Variants in EDDM13 observed in about 807,000 individuals in gnomAD.
The protein encoded by EDDM13 is epididymal protein 13.
EDDM13 carries 24 observed loss-of-function variants against 17.8 expected under a neutral mutation model. The ratio of observed to expected loss-of-function variants is 1.35; its 90% CI spans 0.98 to 1.90. EDDM13 has a LOEUF of 1.90. EDDM13 is among the 40% of genes most tolerant of loss of function. The probability of loss-of-function intolerance (pLI) is 0.00; values close to 1 mark genes in which losing one functional copy is unlikely to be tolerated. For synonymous variants in EDDM13, 31 were observed against 37.5 expected (o/e 0.83, Z 0.63); for missense variants, 97 against 100.8 (o/e 0.96, Z 0.16).
chr19:56,293,929 C>T (rs946957437), intron 9 of EDDM13, among the ~76,000 whole-genome samples: 2 of 152,180 alleles, frequency 1.3e-5, no homozygotes, highest in African/African-American at 4.8e-5. Context: ...ATGTCTGGCA[C>T]GGGATAAGAG....
intron 1 of EDDM13, among the ~76,000 whole-genome samples, chr19:56,273,800 T>C (rs2038037874): frequency 6.6e-6 from 1 of 152,108 alleles, no homozygotes; most frequent in South Asian, 2.1e-4. Context: ...ATGTTGGATG[T>C]TATCCTCAGG....
intron 14 of EDDM13, among the ~76,000 whole-genome samples, chr19:56,307,446 C>A (rs1399408720): frequency 6.6e-6 from 1 of 152,136 alleles, no homozygotes; most frequent in Non-Finnish European, 1.5e-5. Context: ...ATAAAAAATT[C>A]TAAGTTGCTT....
chr19:56,273,907 T>C (rs758122668), intron 1 of EDDM13, among the ~76,000 whole-genome samples: 20 of 152,108 alleles, frequency 1.3e-4, no homozygotes, highest in Non-Finnish European at 2.5e-4. Flanking sequence ...AAACAATGTG[T>C]CTTGCCCTCA....
chr19:56,292,510 A>G (rs1020025756), intron 9 of EDDM13, among the ~76,000 whole-genome samples: 1 of 137,052 alleles, frequency 7.3e-6, no homozygotes, highest in African/African-American at 2.7e-5. Flanking sequence ...CTGGTCTTCA[A>G]TTCCGGGGCT....
chr19:56,277,213 C>T lies in EDDM13; in HGVS notation c.103+1104C>T, dbSNP rs1490190607. Among the ~76,000 whole-genome samples, 3 of 152,162 alleles carry T rather than the reference C, an allele frequency of 2.0e-5. No individual in the cohort carries two copies. The East Asian group carries it at 5.8e-4, about 29-fold the overall frequency. ...TGCCCAAGATAAATGAAACGTAAGT[C>T]CACACAAAAACCCATGCACAAATGT... On this transcript the variant is annotated intron_variant, in intron 2 of 14. Transcript: ENST00000649256.
chr19:56,310,246 GGAGGGT>G lies in EDDM13; in HGVS notation c.*99_*104del, dbSNP rs1256043578. 2.0e-5 allele frequency: 3 copies of G among 152,258 alleles called. No individual in the cohort carries two copies. Among genetic ancestry groups the G allele is most frequent in the Non-Finnish European group, 4.4e-5 (3 of 68,096 alleles). 9.4% of individuals were successfully genotyped at this position (152,258 alleles called of 1,614,324 possible). ...TCTCTGTCCCCTGGACTGCCTGTGT[GGAGGGT>G]AATGAACTGGGTCCTTTAAGGAATG... On this transcript the variant is annotated 3_prime_UTR_variant, in exon 15 of 15. Transcript: ENST00000649256.
intron 8 of EDDM13, among the ~76,000 whole-genome samples, chr19:56,289,651 T>C (rs1408723956): frequency 6.6e-6 from 1 of 152,190 alleles, no homozygotes; most frequent in Non-Finnish European, 1.5e-5. Context: ...TCTCACTTTG[T>C]TGCCCAGGTT....
At chr19:56,299,007 C>T (rs896640367) in intron 12 of EDDM13, among the ~76,000 whole-genome samples, 2 of 152,152 alleles carry the variant, frequency 1.3e-5, no homozygotes, top group African/African-American at 2.4e-5. Flanking sequence ...TTTATTCCAG[C>T]AATGCGACAA....
intron 9 of EDDM13, among the ~76,000 whole-genome samples, chr19:56,292,095 C>T (rs1225138096): frequency 2.0e-5 from 3 of 152,162 alleles, no homozygotes; most frequent in East Asian, 1.9e-4. Context: ...GACTCAGCTG[C>T]TTAACCACGG....
intron 6 of EDDM13, among the ~76,000 whole-genome samples, chr19:56,288,106 C>A (rs1352861491): frequency 1.3e-5 from 2 of 152,174 alleles, no homozygotes; most frequent in African/African-American, 2.4e-5. Context: ...GGAGCACAGG[C>A]CCAAATGGGT....
At chr19:56,275,906 T>C (rs1254186244) in intron 1 of EDDM13, among the ~76,000 whole-genome samples, 186 bp from the exon 2 acceptor site, 1 of 152,196 alleles carries the variant, frequency 6.6e-6, no homozygotes, top group Admixed American at 6.5e-5. Context: ...GACTTATCGA[T>C]GGATGGATGG....
At chr19:56,289,574 A>G (rs544224620) in intron 8 of EDDM13, among the ~76,000 whole-genome samples, 1 of 152,228 alleles carries the variant, frequency 6.6e-6, no homozygotes, top group South Asian at 2.1e-4. Context: ...ACATAGTTGG[A>G]CCACACAAAT....
intron 13 of EDDM13, chr19:56,303,044 G>T: frequency 2.5e-6 from 1 of 395,644 alleles, no homozygotes; most frequent in Non-Finnish European, 4.4e-6. Context: ...GCTCATGGAA[G>T]CCTTTCTGCA....
intron 14 of EDDM13, among the ~76,000 whole-genome samples, chr19:56,307,324 T>C (rs936838581): frequency 6.6e-6 from 1 of 152,172 alleles, no homozygotes; most frequent in Non-Finnish European, 1.5e-5. Context: ...GCTGCAGTCC[T>C]GCTTAAATCC....
chr19:56,283,849 C>G (rs768708569), intron 4 of EDDM13: 3 of 152,204 alleles, frequency 2.0e-5, no homozygotes, highest in Non-Finnish European at 4.4e-5. Context: ...CTTGGCTCCT[C>G]TTTCTAGAGG....
intron 12 of EDDM13, among the ~76,000 whole-genome samples, chr19:56,301,647 C>T (rs73937230): frequency 2.0e-5 from 3 of 152,048 alleles, no homozygotes; most frequent in African/African-American, 7.3e-5. Flanking sequence ...TTTTACCCAG[C>T]CCCTATTCAA....
At chr19:56,281,291 G>C (rs2159552) in intron 2 of EDDM13, among the ~76,000 whole-genome samples, 118,938 of 152,002 alleles carry the variant, frequency 0.78, 47,980 homozygotes, top group Non-Finnish European at 0.89. Flanking sequence ...AGAAGAAAAT[G>C]CACATCTAAG....
chr19:56,307,221 C>T (rs963189723), intron 14 of EDDM13, among the ~76,000 whole-genome samples: 7 of 152,308 alleles, frequency 4.6e-5, no homozygotes, highest in Admixed American at 1.3e-4. Flanking sequence ...GCCTCTCCCA[C>T]GTCGCCTGCC....
chr19:56,276,902 T>C (rs923233750), intron 2 of EDDM13, among the ~76,000 whole-genome samples: 5 of 151,980 alleles, frequency 3.3e-5, no homozygotes, highest in Non-Finnish European at 7.4e-5. Flanking sequence ...AAAATATTTA[T>C]ATTTACAAAT....
Sources: gnomAD v4.1 joint callset for allele counts (sites outside exome capture counted in the v4.1 genomes callset) on GRCh38, gnomAD v4.1.1 for gene constraint, MANE v1.5 for transcripts, NCBI Gene and HGNC (gene_info 2026-07-23, HGNC 2026-07-21) for gene names.